The following SYNE2 variants were observed in gnomAD, a reference collection of about 807,000 sequenced individuals.
SYNE2 encodes spectrin repeat containing nuclear envelope protein 2.
SYNE2 carries 431 observed loss-of-function variants against 856.3 expected under a neutral mutation model. The observed-to-expected ratio is 0.50, with a 90% CI of 0.47 to 0.55. SYNE2 has a LOEUF of 0.55. Ranked by LOEUF, SYNE2 falls within the 20% of genes least tolerant of loss-of-function variation. The pLI, the probability that SYNE2 is intolerant of heterozygous loss-of-function variation, is 0.00. For synonymous variants in SYNE2, 2,923 were observed against 2,872.3 expected (o/e 1.02, Z -0.56); for missense variants, 8,129 against 8,023.2 (o/e 1.01, Z -0.50).
intron 76 of SYNE2, among the ~76,000 whole-genome samples, chr14:64,131,482 G>A (rs748580074): frequency 6.6e-6 from 1 of 152,170 alleles, no homozygotes; most frequent in East Asian, 1.9e-4. Flanking sequence ...CCTGTCTTTC[G>A]AATATGTGGG....
chr14:64,181,753 A>T (rs2098459232), intron 96 of SYNE2, among the ~76,000 whole-genome samples: 1 of 152,200 alleles, frequency 6.6e-6, no homozygotes, highest in South Asian at 2.1e-4. Flanking sequence ...AAGATAAAAG[A>T]TAAAAAAGAA....
Position 64,007,232 on chromosome 14 carries a change from A to G in SYNE2, c.4577+10A>G. 6.2e-7 allele frequency: 1 copy of G among 1,613,434 alleles called. No individual in the cohort carries two copies. Among genetic ancestry groups the G allele is most frequent in the East Asian group, 2.2e-5 (1 of 44,878 alleles). ...CCTTGGTCACCGAATGGTAAGGAAA[A>G]AAAAGAATCCCTCTTGAATCTGAAA... On this transcript the variant is annotated intron_variant, in intron 31 of 115. Coordinates refer to ENST00000555002, the MANE Select transcript of SYNE2 (RefSeq NM_182914.3).
intron 66 of SYNE2, among the ~76,000 whole-genome samples, chr14:64,115,899 A>G (rs2097850370): frequency 6.6e-6 from 1 of 152,222 alleles, no homozygotes; most frequent in African/African-American, 2.4e-5. Context: ...CACGCCTGTA[A>G]TCCCAGCACT....
chr14:64,154,344 T>C (rs1387148711), intron 85 of SYNE2, among the ~76,000 whole-genome samples: 1 of 152,042 alleles, frequency 6.6e-6, no homozygotes, highest in Admixed American at 6.6e-5. Context: ...ACTAAACACC[T>C]TGATGTTTTA....
chr14:64,113,676 G>A (rs1384247224), intron 66 of SYNE2, 105 bp downstream of exon 66: 7 of 1,224,156 alleles, frequency 5.7e-6, no homozygotes, highest in Non-Finnish European at 8.1e-6. Context: ...CTGTTACTCT[G>A]ACCCTTACAT....
chr14:64,220,737 C>T, intron 111 of SYNE2, 100 bp downstream of exon 111: 1 of 1,370,104 alleles, frequency 7.3e-7, no homozygotes, highest in Non-Finnish European at 1.0e-6. Context: ...TCCGTGCAGC[C>T]AAATGTGGCT....
Position 63,963,916 on chromosome 14 carries a change from T to A in SYNE2, c.906T>A (p.Ala302=). 1 of 1,612,334 alleles carries A rather than the reference T, an allele frequency of 6.2e-7. No homozygotes were observed. The highest frequency in any genetic ancestry group is 8.5e-7 in the Non-Finnish European group (1 of 1,178,658). The change falls in exon 10 of 116, where the codon GCT becomes GCA. Residue 302 remains alanine, a synonymous_variant. Transcript: ENST00000555002. ...AAATACAGGGAAAGGTGAAAGATGC[T>A]ATGGGCTGGTTAACTCTGCAAAAGG... ...GEEAQGKVKD[A]MGWLTLQKEK...
At chr14:63,861,634 A>T (rs1259665555) in intron 1 of SYNE2, among the ~76,000 whole-genome samples, 2 of 152,000 alleles carry the variant, frequency 1.3e-5, no homozygotes, top group East Asian at 3.9e-4. Context: ...TCAAAAAAAA[A>T]AATTAGCTGG....
chr14:64,124,065 C>A (rs1044054035), intron 70 of SYNE2, among the ~76,000 whole-genome samples: 2 of 151,950 alleles, frequency 1.3e-5, no homozygotes, highest in African/African-American at 4.8e-5. Context: ...ATTAGCTGGC[C>A]GTGGTGGTGG....
At chr14:64,152,441 A>G (rs2098251743) in intron 84 of SYNE2, 123 bp from the exon 85 acceptor site, 1 of 908,072 alleles carries the variant, frequency 1.1e-6, no homozygotes, top group Non-Finnish European at 1.7e-6. Flanking sequence ...CTTTGATGTA[A>G]TGCTATTTAA....
At chr14:64,132,496 A>G (rs2098032777) in intron 77 of SYNE2, 58 bp downstream of exon 77, 3 of 1,597,996 alleles carry the variant, frequency 1.9e-6, no homozygotes, top group Admixed American at 1.7e-5. Context: ...TTCCATCACC[A>G]CCCCAGGTGT....
chr14:64,099,636 G>A (rs777205598), intron 63 of SYNE2: 2 of 152,154 alleles, frequency 1.3e-5, no homozygotes, highest in Non-Finnish European at 2.9e-5. Context: ...AGTGACTTCA[G>A]TACGATGTTA....
intron 19 of SYNE2, among the ~76,000 whole-genome samples, chr14:63,988,294 C>G (rs1021292629): frequency 6.6e-6 from 1 of 152,168 alleles, no homozygotes; most frequent in Admixed American, 6.5e-5. Flanking sequence ...CCCAGGCAGG[C>G]CTTGAACTCC....
chr14:64,037,776 C>T (rs2097105391), intron 45 of SYNE2, among the ~76,000 whole-genome samples: 1 of 129,376 alleles, frequency 7.7e-6, no homozygotes, highest in Non-Finnish European at 1.7e-5. Flanking sequence ...CCTCTCACTT[C>T]CCAGTAGGGG....
At chr14:63,948,800 A>ATGTATGTGTGTGTGTGTG (rs74216992) in intron 6 of SYNE2, among the ~76,000 whole-genome samples, 3 of 100,928 alleles carry the variant, frequency 3.0e-5, no homozygotes, top group African/African-American at 1.2e-4. Context: ...ATATATATAT[A>ATGTATGTGTGTGTGTGTG]TATATATATA....
At chr14:63,960,137 A>G (rs2096291472) in intron 8 of SYNE2, among the ~76,000 whole-genome samples, 1 of 152,222 alleles carries the variant, frequency 6.6e-6, no homozygotes, top group South Asian at 2.1e-4. Flanking sequence ...AGCCAATATC[A>G]TTATTTTACG....
At chr14:63,818,993 T>C (rs1889113805) in intron 1 of SYNE2, among the ~76,000 whole-genome samples, 1 of 151,540 alleles carries the variant, frequency 6.6e-6, no homozygotes, top group South Asian at 2.1e-4. Flanking sequence ...CCACTGCACC[T>C]GGCCCAAATT....
intron 8 of SYNE2, among the ~76,000 whole-genome samples, chr14:63,956,924 A>G (rs1450457349): frequency 6.6e-6 from 1 of 152,152 alleles, no homozygotes; most frequent in Non-Finnish European, 1.5e-5. Flanking sequence ...CATTTTTGTC[A>G]TCCCCAAAGG....
chr14:63,863,271 A>G (rs1158502043), intron 1 of SYNE2, among the ~76,000 whole-genome samples: 1 of 152,070 alleles, frequency 6.6e-6, no homozygotes. Flanking sequence ...AAGGTTCGAG[A>G]TGACACATTT....
Sources: allele counts gnomAD v4.1 joint callset (sites outside exome capture counted in the v4.1 genomes callset), GRCh38; gene constraint gnomAD v4.1.1; transcripts MANE v1.5; gene names NCBI Gene and HGNC (gene_info 2026-07-23, HGNC 2026-07-21).